FOXK1: variants seen among roughly 807,000 people sequenced by gnomAD.
The protein encoded by FOXK1 is forkhead box K1.
Under a neutral mutation model 51.9 loss-of-function variants are expected in FOXK1, and 19 were observed. The observed-to-expected ratio is 0.37, with a 90% CI of 0.26 to 0.54. FOXK1 has a LOEUF of 0.54. Among genes scored for constraint, FOXK1 ranks in the 20% least tolerant of loss-of-function variants. The pLI is 0.87. For missense variants in FOXK1, 870 were observed against 1,032.7 expected (o/e 0.84, Z 2.16); for synonymous variants, 537 against 482.6 (o/e 1.11, Z -1.48).
In FOXK1 at chr7:4,768,415, AG is replaced by A. The variant is rs1781048614; in HGVS notation, c.*5952del. The A allele has an allele frequency of 1.4e-5, 2 of 138,288 alleles. 1 individual carries two copies. Among genetic ancestry groups the A allele is most frequent in the African/African-American group, 6.9e-5 (2 of 29,146 alleles). 8.6% of individuals were successfully genotyped at this position (138,288 alleles called of 1,614,324 possible). On this transcript the variant is annotated 3_prime_UTR_variant, in exon 9 of 9. Transcript: ENST00000328914. ...CCAAAGTGCTGGGATTACAGGCGTG[AG>A]CCACCGCGCCCGGCCCACTGACTTC...
chr7:4,739,641 C>T (rs1780605169), intron 1 of FOXK1, among the ~76,000 whole-genome samples: 1 of 152,196 alleles, frequency 6.6e-6, no homozygotes. Flanking sequence ...AGTAGAAAAA[C>T]CGAGGCTCAC....
At chr7:4,742,600 A>G (rs574265942) in intron 2 of FOXK1, among the ~76,000 whole-genome samples, 1 of 152,130 alleles carries the variant, frequency 6.6e-6, no homozygotes, top group East Asian at 1.9e-4. Context: ...TATCTTTTGT[A>G]GAGACAGGGT....
At chr7:4,737,468 G>T (rs1044242317) in intron 1 of FOXK1, among the ~76,000 whole-genome samples, 35 of 150,930 alleles carry the variant, frequency 2.3e-4, no homozygotes, top group African/African-American at 7.9e-4. Flanking sequence ...GTGCATGTGT[G>T]TGTGTGCGTG....
chr7:4,685,912 C>T (rs1779812341), intron 1 of FOXK1, among the ~76,000 whole-genome samples: 2 of 150,648 alleles, frequency 1.3e-5, no homozygotes, highest in South Asian at 4.2e-4. Context: ...CACTGCACTC[C>T]AGCCTGGGCA....
rs1218710117 is a variant in FOXK1 at position 4,723,264 on chromosome 7, A to T, written c.561-17574A>T. Among the ~76,000 whole-genome samples the T allele has an allele frequency of 1.3e-5, 2 of 151,948 alleles. No individual in the cohort carries two copies. The highest frequency in any genetic ancestry group is 1.3e-4 in the Admixed American group (2 of 15,244). ...CTCAGCACCGAGCAAGTGGGCCTGG[A>T]CCCTGAAGGATGTGGCTGCTGCCCG... On this transcript the variant is annotated intron_variant, in intron 1 of 8. Coordinates refer to ENST00000328914, the MANE Select transcript of FOXK1 (RefSeq NM_001037165.2). The surrounding 1 kb of genome is among the most constrained non-coding windows in gnomAD (Gnocchi z 4.7).
In FOXK1 at chr7:4,743,206, A is replaced by C. The variant is rs2115062614; in HGVS notation, c.746+2183A>C. ...CATACAGCTTTGAGAATGTTCCAGA[A>C]GTAGATAGTGGTGATGGTTATTCAA... On this transcript the variant is annotated intron_variant, in intron 2 of 8. Transcript: ENST00000328914. This position sits in a 1 kb window ranked among gnomAD's most constrained non-coding sequence, Gnocchi z 5.3. Among the ~76,000 whole-genome samples, 1 of 152,332 alleles carries C rather than the reference A, an allele frequency of 6.6e-6. No individual in the cohort carries two copies. The highest frequency in any genetic ancestry group is 3.4e-3 in the Middle Eastern group (1 of 294).
At chr7:4,724,025 G>A (rs1184540988) in intron 1 of FOXK1, among the ~76,000 whole-genome samples, 1 of 151,930 alleles carries the variant, frequency 6.6e-6, no homozygotes, top group Non-Finnish European at 1.5e-5. Flanking sequence ...CTACTTTTTC[G>A]AGGGCTTTTG....
At position 4,748,488 on chromosome 7, in the gene FOXK1, G is replaced by A. The variant is rs1780734842; in HGVS notation, c.747-5971G>A. Among the ~76,000 whole-genome samples, 1 of 152,136 alleles carries A rather than the reference G, an allele frequency of 6.6e-6. No individual in the cohort carries two copies. Among genetic ancestry groups the A allele is most frequent in the African/African-American group, 2.4e-5 (1 of 41,392 alleles). On this transcript the variant is annotated intron_variant, in intron 2 of 8. Transcript: ENST00000328914. This position sits in a 1 kb window ranked among gnomAD's most constrained non-coding sequence, Gnocchi z 4.9. ...TCCGCCACACTCCCCCCGCTCTTGG[G>A]GTTAATAATGGCCTCTTCTCCCTTT... is the stretch of plus-strand genomic sequence containing the variant.
intron 1 of FOXK1, among the ~76,000 whole-genome samples, chr7:4,732,063 C>T (rs530071731): frequency 4.6e-5 from 7 of 152,284 alleles, no homozygotes; most frequent in South Asian, 4.1e-4. Context: ...CCTCCCTTGC[C>T]GTGAGCCGCT....
chr7:4,737,115 C>T (rs1780562750), intron 1 of FOXK1, among the ~76,000 whole-genome samples: 2 of 151,914 alleles, frequency 1.3e-5, no homozygotes, highest in Non-Finnish European at 2.9e-5. Flanking sequence ...TCTTAATATC[C>T]AAACCCCGAT....
In FOXK1 at chr7:4,755,710, G is replaced by A. The variant is rs1009830322; in HGVS notation, c.1050+327G>A. On this transcript the variant is annotated intron_variant, in intron 4 of 8. Coordinates refer to ENST00000328914, the MANE Select transcript of FOXK1 (RefSeq NM_001037165.2). The surrounding 1 kb of genome is among the most constrained non-coding windows in gnomAD (Gnocchi z 6.6). ...CACACCACTGCACTCCAGCCTGGGA[G>A]ACAGAGAAAGACCCTGTGTCTACAA... Among the ~76,000 whole-genome samples, 2 of 152,148 alleles carry A rather than the reference G, an allele frequency of 1.3e-5. No homozygotes were observed. Among genetic ancestry groups the A allele is most frequent in the African/African-American group, 4.8e-5 (2 of 41,428 alleles).
intron 7 of FOXK1, among the ~76,000 whole-genome samples, chr7:4,760,287 C>T (rs1480783838): frequency 1.3e-5 from 2 of 152,130 alleles, no homozygotes; most frequent in South Asian, 2.1e-4. Context: ...AAAAGAAATC[C>T]GATCCCAGGG....
rs950262890 is a variant in FOXK1, at chr7:4,743,367, T to C, written c.746+2344T>C. On this transcript the variant is annotated intron_variant, in intron 2 of 8. Transcript: ENST00000328914. The surrounding 1 kb of genome is among the most constrained non-coding windows in gnomAD (Gnocchi z 5.3). ...CAGTTCGAGATCAGCCTGGGCAACA[T>C]GGTGAAACCCCGTCTCTACTAAAAA... Among the ~76,000 whole-genome samples the C allele has an allele frequency of 1.3e-5, 2 of 152,046 alleles. No homozygotes were observed. Among genetic ancestry groups the C allele is most frequent in the Non-Finnish European group, 2.9e-5 (2 of 68,004 alleles).
rs528892389 is a variant in FOXK1, at chr7:4,761,667, A to T, written c.1921+379A>T. On this transcript the variant is annotated intron_variant, in intron 8 of 8. Coordinates refer to ENST00000328914, the MANE Select transcript of FOXK1 (RefSeq NM_001037165.2). The surrounding 1 kb of genome is among the most constrained non-coding windows in gnomAD (Gnocchi z 6.2). ...AGCTGTGATTGCTCCGCTACCTGCCAGCCTGGGTGACTGAGCGAGACCCTG... is the reference window on the plus strand; with the variant it reads ...AGCTGTGATTGCTCCGCTACCTGCCTGCCTGGGTGACTGAGCGAGACCCTG... Among the ~76,000 whole-genome samples the T allele has an allele frequency of 6.6e-6, 1 of 152,206 alleles. No individual in the cohort carries two copies. Among genetic ancestry groups the T allele is most frequent in the Non-Finnish European group, 1.5e-5 (1 of 68,018 alleles).
rs1312128072 is a variant in FOXK1, at chr7:4,715,836, A to G, written c.561-25002A>G. Among the ~76,000 whole-genome samples the G allele has an allele frequency of 2.0e-5, 3 of 152,234 alleles. No individual in the cohort carries two copies. Among genetic ancestry groups the G allele is most frequent in the Non-Finnish European group, 4.4e-5 (3 of 68,048 alleles). On this transcript the variant is annotated intron_variant, in intron 1 of 8. Coordinates refer to ENST00000328914, the MANE Select transcript of FOXK1 (RefSeq NM_001037165.2). The surrounding 1 kb of genome is among the most constrained non-coding windows in gnomAD (Gnocchi z 4.5). ...ATACTTAAAGAAATGTAGGAAAAGC[A>G]AAACTCACAAGACAATCCTTCCAGC...
chr7:4,690,334 G>T (rs566738312), intron 1 of FOXK1, among the ~76,000 whole-genome samples: 1 of 152,364 alleles, frequency 6.6e-6, no homozygotes, highest in East Asian at 1.9e-4. Context: ...TGATAGCCAA[G>T]AAATGAAATG....
intron 1 of FOXK1, among the ~76,000 whole-genome samples, chr7:4,687,353 T>C (rs1293345047): frequency 2.0e-5 from 3 of 151,632 alleles, no homozygotes; most frequent in Admixed American, 6.6e-5. Flanking sequence ...AGTGCAGGGG[T>C]GTGATCTCAG....
intron 1 of FOXK1, among the ~76,000 whole-genome samples, chr7:4,736,875 C>T (rs1780559378): frequency 6.6e-6 from 1 of 152,220 alleles, no homozygotes; most frequent in South Asian, 2.1e-4. Context: ...CAAATCCGCA[C>T]ACCTTACGGC....
rs1031703011 is a variant in FOXK1 at position 4,749,080 on chromosome 7, G to A, written c.747-5379G>A. ...TTCCTTTCTCTCTCTACTTTCTGAG[G>A]GATTTTCTCCAGTCTCTCCTTCCAC... On this transcript the variant is annotated intron_variant, in intron 2 of 8. Transcript: ENST00000328914. The surrounding 1 kb of genome is among the most constrained non-coding windows in gnomAD (Gnocchi z 6.0). Among the ~76,000 whole-genome samples, 2 of 152,066 alleles carry A rather than the reference G, an allele frequency of 1.3e-5. No individual in the cohort carries two copies. The highest frequency in any genetic ancestry group is 2.9e-5 in the Non-Finnish European group (2 of 68,016).
Sources: allele counts gnomAD v4.1 joint callset (sites outside exome capture counted in the v4.1 genomes callset), GRCh38; gene constraint gnomAD v4.1.1; non-coding constraint Gnocchi (gnomAD v3.1); transcripts MANE v1.5; gene names NCBI Gene and HGNC (gene_info 2026-07-23, HGNC 2026-07-21).